The following LRRC28 variants were observed in gnomAD, a reference collection of about 807,000 sequenced individuals.
The protein encoded by LRRC28 is leucine rich repeat containing 28.
Under a neutral mutation model 45.7 loss-of-function variants are expected in LRRC28, and 39 were observed. The ratio of observed to expected loss-of-function variants is 0.85; its 90% confidence interval spans 0.66 to 1.12. The LOEUF (loss-of-function observed/expected upper bound fraction) is 1.12. LRRC28 is among the 50% of genes most tolerant of loss of function. The pLI is 0.00. For missense variants in LRRC28, 435 were observed against 438.5 expected, an observed-to-expected ratio of 0.99 and a Z score of 0.07; for synonymous variants, 206 against 178.8, an observed-to-expected ratio of 1.15 and a Z score of -1.22.
chr15:99,371,455 T>G (rs1325841429), intron 9 of LRRC28, among the ~76,000 whole-genome samples: 1 of 152,206 alleles, frequency 6.6e-6, no homozygotes, highest in Non-Finnish European at 1.5e-5. Context: ...TCTTACAGTT[T>G]CCTTTTGTCT....
At position 99,385,827 on chromosome 15, in the gene LRRC28, A is replaced by C. The variant is rs541788972; in HGVS notation, c.1032-203A>C. On this transcript the variant is annotated intron_variant, in intron 9 of 9. Coordinates refer to ENST00000301981, the MANE Select transcript of LRRC28 (RefSeq NM_144598.5). Reference sequence around the variant, plus strand: ...CTATTAAAATGAACATTCAAAAAATAAATAAATAAAATGAACATTCACATG... The same window carrying C: ...CTATTAAAATGAACATTCAAAAAATCAATAAATAAAATGAACATTCACATG... 2.6e-5 allele frequency among the ~76,000 whole-genome samples: 4 copies of C among 152,278 alleles called. No individual in the cohort carries two copies. The South Asian group carries it at 8.3e-4, about 32-fold the overall frequency.
chr15:99,374,189 C>T (rs1034461112), intron 9 of LRRC28, among the ~76,000 whole-genome samples: 7 of 152,046 alleles, frequency 4.6e-5, no homozygotes, highest in South Asian at 2.1e-4. Flanking sequence ...AATTTGGAAA[C>T]GGTTGACATA....
intron 6 of LRRC28, among the ~76,000 whole-genome samples, chr15:99,347,756 A>C (rs543307942): frequency 1.1e-3 from 161 of 152,272 alleles, no homozygotes; most frequent in African/African-American, 3.8e-3. Context: ...AGATGTCTTT[A>C]TGAGGCGATG....
chr15:99,293,776 T>C (rs1027444788), intron 5 of LRRC28, among the ~76,000 whole-genome samples: 4 of 152,116 alleles, frequency 2.6e-5, no homozygotes, highest in Admixed American at 6.6e-5. Context: ...TGTGAGCCAC[T>C]GCACCTGGCC....
chr15:99,257,483 C>T (rs1567598805), intron 2 of LRRC28: 1 of 359,694 alleles, frequency 2.8e-6, no homozygotes, highest in East Asian at 6.2e-5. Context: ...ATGGGGTAGA[C>T]TTTGTTCAGA....
At chr15:99,352,855 CA>C (rs1956929921) in intron 7 of LRRC28, among the ~76,000 whole-genome samples, 1 of 152,116 alleles carries the variant, frequency 6.6e-6, no homozygotes, top group Non-Finnish European at 1.5e-5. Flanking sequence ...GAGGAATCAG[CA>C]TTAATTTAGA....
At chr15:99,265,013 G>A (rs2081296329) in intron 2 of LRRC28, among the ~76,000 whole-genome samples, 2 of 152,186 alleles carry the variant, frequency 1.3e-5, no homozygotes, top group African/African-American at 4.8e-5. Flanking sequence ...TTTGTCTGAT[G>A]CTTTTACCAG....
chr15:99,277,157 T>A (rs986124986), intron 3 of LRRC28, among the ~76,000 whole-genome samples: 1 of 152,104 alleles, frequency 6.6e-6, no homozygotes, highest in African/African-American at 2.4e-5. Flanking sequence ...ATATCTTATA[T>A]TTCTCTCTCT....
chr15:99,255,857 A>G, intron 1 of LRRC28, 41 bp from the exon 2 acceptor site: 1 of 1,358,366 alleles, frequency 7.4e-7, no homozygotes. Context: ...AATTCTTGTA[A>G]AAAATCTTAC....
chr15:99,375,253 G>A (rs949908848), intron 9 of LRRC28, among the ~76,000 whole-genome samples: 2 of 152,046 alleles, frequency 1.3e-5, no homozygotes, highest in African/African-American at 4.8e-5. Context: ...TTTTTCTTTT[G>A]CCTGTTGATA....
intron 2 of LRRC28, among the ~76,000 whole-genome samples, chr15:99,265,532 G>C (rs2081309624): frequency 6.6e-6 from 1 of 152,148 alleles, no homozygotes; most frequent in Non-Finnish European, 1.5e-5. Flanking sequence ...GGGTGGAGGG[G>C]GCTGAGGTAG....
chr15:99,299,986 A>C (rs1218298078), intron 5 of LRRC28, among the ~76,000 whole-genome samples: 2 of 152,324 alleles, frequency 1.3e-5, no homozygotes, highest in East Asian at 3.9e-4. Flanking sequence ...ATCTGCTGAC[A>C]TCTCTGCTCC....
At chr15:99,346,950 A>T (rs1597394221) in intron 6 of LRRC28, among the ~76,000 whole-genome samples, 2 of 152,292 alleles carry the variant, frequency 1.3e-5, no homozygotes, top group African/African-American at 2.4e-5. Context: ...ATATTATGGG[A>T]TACAAATAAA....
At chr15:99,302,413 AG>A (rs1233932776) in intron 5 of LRRC28, among the ~76,000 whole-genome samples, 2 of 146,192 alleles carry the variant, frequency 1.4e-5, no homozygotes, top group East Asian at 4.2e-4. Flanking sequence ...ATGGGCAATA[AG>A]TTTCACTCTT....
chr15:99,300,117 G>A (rs1480219087), intron 5 of LRRC28, among the ~76,000 whole-genome samples: 2 of 149,678 alleles, frequency 1.3e-5, no homozygotes, highest in African/African-American at 2.5e-5. Context: ...GTGACTTAGT[G>A]TTTTTTTTTC....
chr15:99,323,340 ACTC>A (rs894819239), intron 5 of LRRC28, among the ~76,000 whole-genome samples: 1 of 152,052 alleles, frequency 6.6e-6, no homozygotes, highest in African/African-American at 2.4e-5. Context: ...GTCAGGTTAA[ACTC>A]CTTCTTAGGA....
chr15:99,345,007 T>C (rs1447660472), intron 6 of LRRC28, among the ~76,000 whole-genome samples: 1 of 152,234 alleles, frequency 6.6e-6, no homozygotes, highest in Non-Finnish European at 1.5e-5. Flanking sequence ...AATATGTCAC[T>C]TACTAATAAT....
intron 7 of LRRC28, among the ~76,000 whole-genome samples, chr15:99,356,689 T>C (rs1957056506): frequency 6.6e-6 from 1 of 152,216 alleles, no homozygotes. Context: ...GAAACAAATT[T>C]ACATTTTCAA....
chr15:99,299,469 AGT>A (rs1323204918), intron 5 of LRRC28, among the ~76,000 whole-genome samples: 2 of 152,200 alleles, frequency 1.3e-5, no homozygotes, highest in African/African-American at 4.8e-5. Flanking sequence ...TACCAAAATA[AGT>A]GTTTCTTAAA....
Sources: gnomAD v4.1 joint callset for allele counts (sites outside exome capture counted in the v4.1 genomes callset) on GRCh38, gnomAD v4.1.1 for gene constraint, MANE v1.5 for transcripts, NCBI Gene and HGNC (gene_info 2026-07-23, HGNC 2026-07-21) for gene names.